AGBL3: variants seen among roughly 807,000 people sequenced by gnomAD.
AGBL3 encodes cytosolic carboxypeptidase 3.
In AGBL3, 68 loss-of-function variants were observed where a neutral mutation model predicts 94.5. That is an observed-to-expected ratio of 0.72 (90% CI 0.59 to 0.88). AGBL3 has a LOEUF of 0.88. Among genes scored for constraint, AGBL3 ranks in the 40% least tolerant of loss-of-function variants. The pLI, the probability that AGBL3 is intolerant of heterozygous loss-of-function variation, is 0.00. For missense variants in AGBL3, 934 were observed against 1,103.8 expected (o/e 0.85, Z 2.18); for synonymous variants, 354 against 370.7 (o/e 0.95, Z 0.52).
Position 135,037,483 on chromosome 7 carries a change from T to A in AGBL3, c.1403T>A (p.Ile468Asn), listed in dbSNP as rs375265754. The A allele has an allele frequency of 1.2e-4, 184 of 1,550,326 alleles. No homozygotes were observed. The highest frequency in any genetic ancestry group is 1.6e-4 in the Non-Finnish European group (182 of 1,146,222). Reference protein sequence around the residue: ...DLHGHSRKENIFMYGCDGSDR... With the variant: ...DLHGHSRKENNFMYGCDGSDR... The stretch of plus-strand genomic sequence containing the variant: ...CATGGCCATAGTAGGAAAGAGAACA[T>A]CTTCATGTATGGCTGTGATGGTAGT... Residue 468 changes from isoleucine (I) to asparagine (N), a missense_variant, in exon 8 of 17, where the codon ATC becomes AAC. This residue lies in a region of AGBL3 where 5 missense variants were observed against 22.1 expected (regional missense o/e 0.23). Coordinates refer to ENST00000436302, the MANE Select transcript of AGBL3 (RefSeq NM_178563.4).
chr7:135,028,882 C>G (rs1815431248), intron 5 of AGBL3, among the ~76,000 whole-genome samples: 1 of 152,132 alleles, frequency 6.6e-6, no homozygotes. Flanking sequence ...ATGGTTGTTT[C>G]GTTAACAGGC....
rs762185596 is a variant in AGBL3, at chr7:135,044,048, T to C, written c.1524T>C (p.Phe508=). ...PDKFSFSACK[F]NVQKSKEGTG... ...AGTTTTCATTCTCAGCTTGCAAGTT[T>C]AATGTCCAGAAGAGCAAAGAAGGAA... Residue 508 remains phenylalanine (F), a synonymous_variant, in exon 9 of 17, where the codon TTT becomes TTC. Coordinates refer to ENST00000436302, the MANE Select transcript of AGBL3 (RefSeq NM_178563.4). The C allele has an allele frequency of 1.9e-6, 3 of 1,549,408 alleles. No individual in the cohort carries two copies. In the African/African-American group the frequency reaches 4.1e-5, roughly 21 times the overall value.
chr7:135,002,923 C>T (rs1180917476), intron 4 of AGBL3, among the ~76,000 whole-genome samples: 1 of 152,078 alleles, frequency 6.6e-6, no homozygotes, highest in Non-Finnish European at 1.5e-5. Flanking sequence ...TTTTTTTCTT[C>T]TCGATCTCTA....
At chr7:135,116,514 C>T (rs1348482507) in intron 16 of AGBL3, among the ~76,000 whole-genome samples, 1 of 152,166 alleles carries the variant, frequency 6.6e-6, no homozygotes, top group African/African-American at 2.4e-5. Flanking sequence ...CTGACACCAG[C>T]CCAATGGGGA....
intron 15 of AGBL3, among the ~76,000 whole-genome samples, chr7:135,088,902 A>G (rs1322818380): frequency 6.6e-6 from 1 of 152,044 alleles, no homozygotes; most frequent in African/African-American, 2.4e-5. Context: ...CTGGATCTGG[A>G]TCTCATATGT....
intron 12 of AGBL3, among the ~76,000 whole-genome samples, chr7:135,063,182 AT>A (rs961687440): frequency 6.6e-6 from 1 of 151,912 alleles, no homozygotes; most frequent in African/African-American, 2.4e-5. Context: ...TTATGATCCT[AT>A]TTCTGTGGTG....
At chr7:135,050,902 T>C (rs1273545580) in intron 11 of AGBL3, 1 of 332,358 alleles carries the variant, frequency 3.0e-6, no homozygotes, top group African/African-American at 2.2e-5. Context: ...AGTCCATTTA[T>C]ACTTAAGGTC....
At chr7:135,040,867 T>TGC (rs1302562737) in intron 8 of AGBL3, among the ~76,000 whole-genome samples, 1 of 68,466 alleles carries the variant, frequency 1.5e-5, no homozygotes, top group East Asian at 1.2e-3. Flanking sequence ...AAGTGATCCA[T>TGC]GCACACACAC....
intron 11 of AGBL3, among the ~76,000 whole-genome samples, chr7:135,053,951 A>C (rs978031105): frequency 6.6e-6 from 1 of 152,234 alleles, no homozygotes; most frequent in Non-Finnish European, 1.5e-5. Context: ...ACTGTGTCAA[A>C]ATCAAGGCTG....
intron 11 of AGBL3, among the ~76,000 whole-genome samples, chr7:135,049,349 A>T (rs955818625): frequency 3.9e-5 from 6 of 151,926 alleles, no homozygotes; most frequent in African/African-American, 1.4e-4. Flanking sequence ...GAATTTTTGT[A>T]TCTATGTTCA....
Position 135,095,806 on chromosome 7 carries a change from G to A in AGBL3, c.2110+14016G>A, listed in dbSNP as rs189661973. On this transcript the variant is annotated intron_variant, in intron 15 of 16. Coordinates refer to ENST00000436302, the MANE Select transcript of AGBL3 (RefSeq NM_178563.4). ...CATCCAGGGGAGCATCACTCTGAGTGGACGGGGGTACTGAAGTGCAACTTA... is the reference window on the plus strand; with the variant it reads ...CATCCAGGGGAGCATCACTCTGAGTAGACGGGGGTACTGAAGTGCAACTTA... Among the ~76,000 whole-genome samples the A allele has an allele frequency of 1.2e-4, 18 of 152,286 alleles. No homozygotes were observed. The South Asian group carries it at 1.5e-3, about 12-fold the overall frequency.
At position 135,135,146 on chromosome 7, in the gene AGBL3, C is replaced by A. The variant is rs1327312316; in HGVS notation, c.2648C>A (p.Thr883Asn). 1.3e-6 allele frequency: 2 copies of A among 1,551,086 alleles called. 1 individual carries two copies. The highest frequency in any genetic ancestry group is 2.4e-5 in the South Asian group (2 of 84,048). The stretch of plus-strand genomic sequence containing the variant: ...TATAAGAGTCTTCAAGCTGAAGAAA[C>A]TAACCAGCAAAGCTCTAAGCATACA... ...LKYKSLQAEETNQQSSKHTAL... is the reference protein window; with the variant it reads ...LKYKSLQAEENNQQSSKHTAL... Residue 883 changes from threonine (T) to asparagine (N), a missense_variant, in exon 17 of 17, where the codon ACT (threonine) becomes AAT (asparagine). Around this residue, in one of 3 missense-constraint regions of AGBL3, gnomAD observed 441 missense variants for 518.2 expected, o/e 0.85. Transcript: ENST00000436302.
At chr7:135,129,200 C>G in intron 16 of AGBL3, 1 of 1,422,198 alleles carries the variant, frequency 7.0e-7, no homozygotes, top group Non-Finnish European at 9.9e-7. Context: ...ACTGCCCCCA[C>G]GCATGCTGCC....
chr7:135,037,151 C>T (rs1000079245), intron 7 of AGBL3, among the ~76,000 whole-genome samples: 3 of 152,150 alleles, frequency 2.0e-5, no homozygotes, highest in African/African-American at 7.2e-5. Flanking sequence ...AACCCCTGAC[C>T]TCAGGCAAGC....
rs1014153123 is a variant in AGBL3 at position 135,128,397 on chromosome 7, G to C, written c.2343-6444G>C. The C allele has an allele frequency of 7.1e-6, 4 of 566,368 alleles. No individual in the cohort carries two copies. In the African/African-American group the frequency reaches 7.7e-5, roughly 11 times the overall value. 35.1% of individuals were successfully genotyped at this position (566,368 alleles called of 1,614,324 possible). A position where few individuals can be genotyped will look rare whatever the true frequency, so the allele number is the denominator to read the frequency against. On this transcript the variant is annotated intron_variant, in intron 16 of 16. Coordinates refer to ENST00000436302, the MANE Select transcript of AGBL3 (RefSeq NM_178563.4). Reference sequence around the variant, plus strand: ...GGGAGTGTAGCAGTGAGGATGATCAGAGATCACTCTCATGGTCATCTTGGT... The same window carrying C: ...GGGAGTGTAGCAGTGAGGATGATCACAGATCACTCTCATGGTCATCTTGGT...
At chr7:135,006,603 T>G (rs560000847) in intron 4 of AGBL3, among the ~76,000 whole-genome samples, 1 of 152,066 alleles carries the variant, frequency 6.6e-6, no homozygotes, top group East Asian at 1.9e-4. Context: ...CTATTCTGCC[T>G]TATGGAAAAT....
chr7:135,053,987 A>C (rs924043461), intron 11 of AGBL3, among the ~76,000 whole-genome samples: 2 of 152,196 alleles, frequency 1.3e-5, no homozygotes, highest in African/African-American at 4.8e-5. Context: ...ATGATATATT[A>C]ATTATTTAAA....
At chr7:135,043,464 G>A (rs1359057249) in intron 8 of AGBL3, among the ~76,000 whole-genome samples, 1 of 152,134 alleles carries the variant, frequency 6.6e-6, no homozygotes, top group Non-Finnish European at 1.5e-5. Context: ...AGGTAGTGGA[G>A]GAGGGCAGAA....
Position 135,034,395 on chromosome 7 carries a change from C to T in AGBL3, c.804C>T (p.Asn268=). The T allele has an allele frequency of 1.9e-6, 3 of 1,551,646 alleles. No individual in the cohort carries two copies. Among genetic ancestry groups the T allele is most frequent in the Non-Finnish European group, 2.6e-6 (3 of 1,146,976 alleles). ...RIGDQIKYYR[N]NPGQDGRHYF... ...GAGACCAAATCAAGTATTATAGGAACAACCCAGGCCAAGATGGGCGCCATT... is the reference window on the plus strand; with the variant it reads ...GAGACCAAATCAAGTATTATAGGAATAACCCAGGCCAAGATGGGCGCCATT... Residue 268 remains asparagine, a synonymous_variant, in exon 7 of 17, where the codon AAC becomes AAT. Transcript: ENST00000436302.
Sources: allele counts gnomAD v4.1 joint callset (sites outside exome capture counted in the v4.1 genomes callset), GRCh38; gene constraint gnomAD v4.1.1; regional missense constraint gnomAD v4.1.1; transcripts MANE v1.5; gene names NCBI Gene and HGNC (gene_info 2026-07-23, HGNC 2026-07-21).